Variants in TSPEAR observed in about 807,000 individuals in gnomAD.
TSPEAR encodes the protein thrombospondin-type laminin G domain and EAR repeat-containing protein.
A neutral mutation model predicts 71.6 loss-of-function variants in TSPEAR; 69 were observed. The observed-to-expected ratio is 0.96, with a 90% CI of 0.79 to 1.18. The LOEUF (loss-of-function observed/expected upper bound fraction) is 1.18. Among genes scored for constraint, TSPEAR ranks in the 50% most tolerant of loss-of-function variants. The pLI, the probability that TSPEAR is intolerant of heterozygous loss-of-function variation, is 0.00. For missense variants in TSPEAR, 971 were observed against 894.9 expected (o/e 1.09, Z -1.09); for synonymous variants, 402 against 387.2 (o/e 1.04, Z -0.45).
rs444891 is a variant in TSPEAR, at chr21:44,637,529, T to C, written c.83-69524A>G. 396 of 1,613,530 alleles carry C rather than the reference T, an allele frequency of 2.5e-4. No homozygotes were observed. In the African/African-American group the frequency reaches 3.7e-3, roughly 15 times the overall value. ...CTGCTGCTGTGCCCCAGCCCCCAGC[T>C]TGACCCTGGTCTGCACCCCAGTGAG... On this transcript the variant is annotated intron_variant, in intron 1 of 11. Transcript: ENST00000323084.
intron 1 of TSPEAR, among the ~76,000 whole-genome samples, chr21:44,701,093 GATTA>G (rs1331183053): frequency 4.5e-4 from 69 of 152,290 alleles, no homozygotes; most frequent in African/African-American, 1.7e-3. Flanking sequence ...TTTGCAGATT[GATTA>G]GATTGCTGAT....
intron 9 of TSPEAR, among the ~76,000 whole-genome samples, chr21:44,513,198 TCATTGG>T (rs1555912940): frequency 1.3e-5 from 2 of 152,200 alleles, no homozygotes; most frequent in African/African-American, 2.4e-5. Context: ...GCGGTCATTG[TCATTGG>T]CTATTGACAG....
At chr21:44,540,533 A>G (rs1286102289) in intron 2 of TSPEAR, among the ~76,000 whole-genome samples, 1 of 152,178 alleles carries the variant, frequency 6.6e-6, no homozygotes, top group Non-Finnish European at 1.5e-5. Context: ...AGCCTTATGC[A>G]AAGTGTGGCA....
At chr21:44,554,539 A>G (rs2053495489) in intron 2 of TSPEAR, among the ~76,000 whole-genome samples, 1 of 152,262 alleles carries the variant, frequency 6.6e-6, no homozygotes, top group Non-Finnish European at 1.5e-5. Context: ...ATAACTGCAA[A>G]TGCAAATTTC....
At chr21:44,696,340 T>C (rs1026880439) in intron 1 of TSPEAR, among the ~76,000 whole-genome samples, 20 of 152,240 alleles carry the variant, frequency 1.3e-4, no homozygotes, top group African/African-American at 4.6e-4. Flanking sequence ...CAGAGGTTAA[T>C]GGCTAAGAAC....
intron 11 of TSPEAR, among the ~76,000 whole-genome samples, chr21:44,500,452 C>G (rs2052009600): frequency 6.6e-6 from 1 of 152,276 alleles, no homozygotes. Context: ...ACTCATTTAT[C>G]CCAGGAGCTT....
At position 44,520,192 on chromosome 21, in the gene TSPEAR, AC is replaced by A. The variant is rs1555914058; in HGVS notation, c.1566+1690del. 1 of 151,984 alleles carries A rather than the reference AC, an allele frequency of 6.6e-6. No homozygotes were observed. Among genetic ancestry groups the A allele is most frequent in the East Asian group, 1.9e-4 (1 of 5,142 alleles). 9.4% of individuals were successfully genotyped at this position (151,984 alleles called of 1,614,324 possible). On this transcript the variant is annotated intron_variant, in intron 9 of 11. Coordinates refer to ENST00000323084, the MANE Select transcript of TSPEAR (RefSeq NM_144991.3). The surrounding 1 kb of genome is among the most constrained non-coding windows in gnomAD (Gnocchi z 4.2). Reference sequence around the variant, plus strand: ...CCCAATGGCTCACTCCCTCCCAGCCACCGACCAGTCATTATCGTGCAGCCCT... The same window carrying A: ...CCCAATGGCTCACTCCCTCCCAGCCACGACCAGTCATTATCGTGCAGCCCT...
chr21:44,699,781 CT>C (rs1347525571), intron 1 of TSPEAR, among the ~76,000 whole-genome samples: 2 of 152,222 alleles, frequency 1.3e-5, no homozygotes, highest in Admixed American at 6.5e-5. Flanking sequence ...CCCAGCCACG[CT>C]TACGGCGGCC....
At chr21:44,611,606 G>T (rs989856003) in intron 1 of TSPEAR, among the ~76,000 whole-genome samples, 3 of 152,160 alleles carry the variant, frequency 2.0e-5, no homozygotes, top group Non-Finnish European at 4.4e-5. Flanking sequence ...GTGGCAGGGT[G>T]GGGAGCCAGG....
chr21:44,637,267 C>T lies in TSPEAR; in HGVS notation c.83-69262G>A, dbSNP rs140207530. On this transcript the variant is annotated intron_variant, in intron 1 of 11. Coordinates refer to ENST00000323084, the MANE Select transcript of TSPEAR (RefSeq NM_144991.3). The stretch of plus-strand genomic sequence containing the variant: ...GTCCTCCCGGCTCCAAACACCAACA[C>T]GGAAGGGGAGGGCATTGCTGAGTCT... The T allele has an allele frequency of 3.0e-4, 325 of 1,075,388 alleles. 3 individuals are homozygous for T. Among genetic ancestry groups the T allele is most frequent in the African/African-American group, 2.9e-3 (185 of 63,046 alleles). The allele number at this position is 1,075,388 out of a possible 1,614,324, so 66.6% of individuals were successfully genotyped here.
intron 1 of TSPEAR, chr21:44,580,053 C>T: frequency 6.3e-7 from 1 of 1,594,548 alleles, no homozygotes; most frequent in Non-Finnish European, 8.6e-7. Flanking sequence ...TTGCAACAGA[C>T]AGGCACGTAG....
intron 1 of TSPEAR, among the ~76,000 whole-genome samples, chr21:44,672,287 T>C (rs587647772): frequency 6.6e-6 from 1 of 152,278 alleles, no homozygotes; most frequent in East Asian, 1.9e-4. Context: ...TTTAGCAAAA[T>C]AGGCCAGGCA....
chr21:44,557,723 C>T (rs2146046430), intron 2 of TSPEAR: 2 of 368,304 alleles, frequency 5.4e-6, no homozygotes, highest in Non-Finnish European at 1.0e-5. Context: ...TCCCGAAGCT[C>T]CCACCCCACG....
intron 1 of TSPEAR, chr21:44,579,461 G>A (rs1432722450): frequency 4.6e-5 from 24 of 525,160 alleles, no homozygotes; most frequent in South Asian, 4.0e-4. Context: ...AGAATCAGGC[G>A]ACCAAGGGGA....
chr21:44,608,717 T>A (rs1469978097), intron 1 of TSPEAR, among the ~76,000 whole-genome samples: 1 of 152,146 alleles, frequency 6.6e-6, no homozygotes, highest in Non-Finnish European at 1.5e-5. Context: ...ATAAACAAAT[T>A]TTAAAAGACT....
intron 2 of TSPEAR, among the ~76,000 whole-genome samples, chr21:44,566,762 G>A (rs1327860541): frequency 6.6e-6 from 1 of 152,012 alleles, no homozygotes; most frequent in Non-Finnish European, 1.5e-5. Context: ...ATTCAATGAG[G>A]AAAAAATAAT....
intron 1 of TSPEAR, among the ~76,000 whole-genome samples, chr21:44,690,882 G>T (rs1987095246): frequency 6.6e-6 from 1 of 152,078 alleles, no homozygotes; most frequent in Non-Finnish European, 1.5e-5. Flanking sequence ...CAAGTAGCTG[G>T]GACTACAGGT....
At chr21:44,654,687 T>C (rs1160254619) in intron 1 of TSPEAR, 14 of 1,045,838 alleles carry the variant, frequency 1.3e-5, no homozygotes, top group Admixed American at 2.9e-5. Context: ...GTGGCCTTTA[T>C]ACCCAGGCTA....
chr21:44,702,282 C>T (rs1424890159), intron 1 of TSPEAR: 1 of 1,608,782 alleles, frequency 6.2e-7, no homozygotes, highest in African/African-American at 1.3e-5. Flanking sequence ...GCTGCGAGCC[C>T]CCCTGCTGCG....
Sources: allele counts gnomAD v4.1 joint callset (sites outside exome capture counted in the v4.1 genomes callset), GRCh38; gene constraint gnomAD v4.1.1; non-coding constraint Gnocchi (gnomAD v3.1); transcripts MANE v1.5; gene names NCBI Gene and HGNC (gene_info 2026-07-23, HGNC 2026-07-21).